Variants in CNTN1 observed in about 807,000 individuals in gnomAD.
CNTN1 encodes the protein contactin 1.
Under a neutral mutation model 126.4 loss-of-function variants are expected in CNTN1, and 38 were observed. The observed-to-expected ratio is 0.30, with a 90% CI of 0.23 to 0.39. The LOEUF is 0.39. Among genes scored for constraint, CNTN1 ranks in the 10% least tolerant of loss-of-function variants. CNTN1 has a pLI of 1.00. For missense variants in CNTN1, 1,009 were observed against 1,248.4 expected (o/e 0.81, Z 2.89); for synonymous variants, 413 against 422.6 (o/e 0.98, Z 0.28).
rs1943052237 is a variant in CNTN1, at chr12:40,859,683, T to C, written c.-76-48674T>C. Among the ~76,000 whole-genome samples, 4 of 152,230 alleles carry C rather than the reference T, an allele frequency of 2.6e-5. No individual in the cohort carries two copies. In the South Asian group the frequency reaches 8.3e-4, roughly 32 times the overall value. Reference sequence around the variant, plus strand: ...GGAAGAATCAACAGGAGCATTATGCTGGGGGTCAGGGCAAGAATTTTGAGA... The same window carrying C: ...GGAAGAATCAACAGGAGCATTATGCCGGGGGTCAGGGCAAGAATTTTGAGA... On this transcript the variant is annotated intron_variant, in intron 1 of 23. Coordinates refer to ENST00000551295, the MANE Select transcript of CNTN1 (RefSeq NM_001843.4).
intron 1 of CNTN1, among the ~76,000 whole-genome samples, chr12:40,880,224 C>T (rs1167763810): frequency 6.6e-6 from 1 of 151,912 alleles, no homozygotes; most frequent in Non-Finnish European, 1.5e-5. Context: ...ACAACTATTT[C>T]CTGATTGTCA....
At chr12:40,776,404 T>G (rs888717613) in intron 1 of CNTN1, among the ~76,000 whole-genome samples, 2 of 151,670 alleles carry the variant, frequency 1.3e-5, no homozygotes, top group African/African-American at 4.8e-5. Flanking sequence ...TTGTTTTGTT[T>G]TAAGATAGAA....
chr12:40,845,976 A>C (rs1461350441), intron 1 of CNTN1, among the ~76,000 whole-genome samples: 3 of 152,266 alleles, frequency 2.0e-5, no homozygotes, highest in African/African-American at 7.2e-5. Context: ...TGAGTTGGGG[A>C]ATGTGAATTA....
intron 1 of CNTN1, among the ~76,000 whole-genome samples, chr12:40,703,901 G>A (rs1941666823): frequency 6.6e-6 from 1 of 152,150 alleles, no homozygotes; most frequent in African/African-American, 2.4e-5. Flanking sequence ...TTGCCTTCAA[G>A]AGTCTTCTAA....
At chr12:40,944,387 C>A (rs1946366088) in intron 14 of CNTN1, among the ~76,000 whole-genome samples, 1 of 151,920 alleles carries the variant, frequency 6.6e-6, no homozygotes, top group Non-Finnish European at 1.5e-5. Flanking sequence ...AAATATTAAT[C>A]AATTAATATT....
At chr12:40,742,881 A>G (rs1938006380) in intron 1 of CNTN1, among the ~76,000 whole-genome samples, 1 of 152,122 alleles carries the variant, frequency 6.6e-6, no homozygotes, top group Non-Finnish European at 1.5e-5. Flanking sequence ...GGATGAGACA[A>G]TGATACAATA....
chr12:40,760,975 A>G (rs1032204773), intron 1 of CNTN1, among the ~76,000 whole-genome samples: 2 of 152,056 alleles, frequency 1.3e-5, no homozygotes, highest in Admixed American at 6.6e-5. Flanking sequence ...GAAAAAAATT[A>G]CTCTGTCAAA....
intron 1 of CNTN1, among the ~76,000 whole-genome samples, chr12:40,898,485 T>C (rs1229175685): frequency 1.3e-5 from 2 of 152,110 alleles, no homozygotes; most frequent in Non-Finnish European, 2.9e-5. Context: ...GAGATTAACT[T>C]ATATATGTTT....
chr12:41,026,539 G>T (rs993724019), intron 21 of CNTN1, among the ~76,000 whole-genome samples: 25 of 152,300 alleles, frequency 1.6e-4, no homozygotes, highest in African/African-American at 5.5e-4. Flanking sequence ...TTTAGGCAGA[G>T]CCTTAAGGTT....
At chr12:40,883,163 T>G (rs562032660) in intron 1 of CNTN1, among the ~76,000 whole-genome samples, 2 of 151,736 alleles carry the variant, frequency 1.3e-5, no homozygotes, top group Non-Finnish European at 1.5e-5. Flanking sequence ...GAGGGGTATG[T>G]TTTTAGATTC....
chr12:40,736,324 C>T (rs560465817), intron 1 of CNTN1, among the ~76,000 whole-genome samples: 6 of 152,004 alleles, frequency 3.9e-5, no homozygotes, highest in Non-Finnish European at 7.4e-5. Context: ...ATTTATCTCT[C>T]AGACCACGGC....
intron 17 of CNTN1, among the ~76,000 whole-genome samples, chr12:40,993,743 C>T (rs1317653452): frequency 6.6e-6 from 1 of 152,138 alleles, no homozygotes; most frequent in Non-Finnish European, 1.5e-5. Flanking sequence ...TAAATACCAA[C>T]TGCAATTAAA....
At chr12:41,044,094 A>G (rs1949487791) in intron 23 of CNTN1, among the ~76,000 whole-genome samples, 1 of 151,316 alleles carries the variant, frequency 6.6e-6, no homozygotes, top group Non-Finnish European at 1.5e-5. Flanking sequence ...GCACATGTAT[A>G]TATATGTAAC....
chr12:41,068,589 G>A (rs960631605), intron 23 of CNTN1, among the ~76,000 whole-genome samples: 7 of 152,034 alleles, frequency 4.6e-5, no homozygotes, highest in Non-Finnish European at 8.8e-5. Flanking sequence ...ACCTTATAGG[G>A]AACATGAATG....
chr12:40,810,159 G>A (rs774741210), intron 1 of CNTN1, among the ~76,000 whole-genome samples: 3 of 152,072 alleles, frequency 2.0e-5, no homozygotes, highest in Admixed American at 1.3e-4. Context: ...GTATTGTAGC[G>A]AATTTTGTTT....
rs1292901498 is a variant in CNTN1 at position 40,908,386 on chromosome 12, C to T, written c.-47C>T. ...TTAAAATTATCCAACTGCCATAGAG[C>T]TAAATTCTTTTTTGGAAAATTGAAC... is the stretch of plus-strand genomic sequence containing the variant. On this transcript the variant is annotated 5_prime_UTR_variant, in exon 2 of 24. Coordinates refer to ENST00000551295, the MANE Select transcript of CNTN1 (RefSeq NM_001843.4). 6.7e-6 allele frequency: 10 copies of T among 1,487,198 alleles called. No homozygotes were observed. The African/African-American group carries it at 1.2e-4, about 19-fold the overall frequency. 92.1% of individuals were successfully genotyped at this position (1,487,198 alleles called of 1,614,324 possible). A position where few individuals can be genotyped will look rare whatever the true frequency, so the allele number is the denominator to read the frequency against.
At chr12:40,770,008 G>A (rs1210590781) in intron 1 of CNTN1, among the ~76,000 whole-genome samples, 1 of 152,108 alleles carries the variant, frequency 6.6e-6, no homozygotes, top group Non-Finnish European at 1.5e-5. Flanking sequence ...AGTTCTGTTA[G>A]GTTGTTTTGC....
chr12:40,780,902 G>A (rs531582702), intron 1 of CNTN1, among the ~76,000 whole-genome samples: 6 of 143,098 alleles, frequency 4.2e-5, no homozygotes, highest in South Asian at 2.4e-4. Flanking sequence ...AGAATTTTGT[G>A]CAAAAATGAT....
intron 1 of CNTN1, among the ~76,000 whole-genome samples, chr12:40,843,339 C>T (rs1942364717): frequency 1.3e-5 from 2 of 151,882 alleles, no homozygotes; most frequent in South Asian, 4.2e-4. Context: ...ATATTCTGTT[C>T]AATAAAAGTT....
Sources: gnomAD v4.1 joint callset for allele counts (sites outside exome capture counted in the v4.1 genomes callset) on GRCh38, gnomAD v4.1.1 for gene constraint, MANE v1.5 for transcripts, NCBI Gene and HGNC (gene_info 2026-07-23, HGNC 2026-07-21) for gene names.